Variants in SLC25A16 observed in about 807,000 individuals in gnomAD.
The protein encoded by SLC25A16 is solute carrier family 25 member 16.
A neutral mutation model predicts 41.5 loss-of-function variants in SLC25A16; 39 were observed. The ratio of observed to expected loss-of-function variants is 0.94; its 90% CI spans 0.73 to 1.23. SLC25A16 has a LOEUF of 1.23. Ranked by LOEUF, SLC25A16 falls within the 50% of genes most tolerant of loss-of-function variation. The pLI is 0.00. For missense variants in SLC25A16, 421 were observed against 426.9 expected, an observed-to-expected ratio of 0.99 and a Z score of 0.12; for synonymous variants, 146 against 147.8, an observed-to-expected ratio of 0.99 and a Z score of 0.09.
intron 2 of SLC25A16, among the ~76,000 whole-genome samples, chr10:68,509,157 G>C (rs1196496027): frequency 1.3e-5 from 2 of 151,770 alleles, no homozygotes; most frequent in Non-Finnish European, 2.9e-5. Context: ...ACCAACATGG[G>C]GAAACCCTGT....
intron 4 of SLC25A16, among the ~76,000 whole-genome samples, chr10:68,502,616 G>A (rs1564918560): frequency 6.7e-6 from 1 of 149,900 alleles, no homozygotes; most frequent in Non-Finnish European, 1.5e-5. Context: ...TATAGTTCCA[G>A]CTACTTTTGG....
chr10:68,516,790 C>A lies in SLC25A16; in HGVS notation c.184G>T (p.Val62Phe). ...TGGTGATTGTGAGCTTGTAATAAAA[C>A]CTTTACTCGATCCAATGGAGCAACT... ...TTVAPLDRVK[V>F]LLQAHNHHYK... The change falls in exon 2 of 9, where the codon GTT becomes TTT. Residue 62 changes from valine (V) to phenylalanine (F), a missense_variant. By Grantham distance (50) the Val-to-Phe change is conservative. Coordinates refer to ENST00000609923, the MANE Select transcript of SLC25A16 (RefSeq NM_152707.4). 1 of 1,613,036 alleles carries A rather than the reference C, an allele frequency of 6.2e-7. No individual in the cohort carries two copies. Among genetic ancestry groups the A allele is most frequent in the Non-Finnish European group, 8.5e-7 (1 of 1,179,418 alleles).
Position 68,527,363 on chromosome 10 carries a change from T to A in SLC25A16, c.13A>T (p.Thr5Ser). The A allele has an allele frequency of 6.7e-7, 1 of 1,502,150 alleles. No individual in the cohort carries two copies. Among genetic ancestry groups the A allele is most frequent in the East Asian group, 2.6e-5 (1 of 38,786 alleles). The allele number at this position is 1,502,150 out of a possible 1,614,324, so 93.1% of individuals were successfully genotyped here. A position where few individuals can be genotyped will look rare whatever the true frequency, so the allele number is the denominator to read the frequency against. The change falls in exon 1 of 9, where the codon ACG (threonine) becomes TCG (serine). Residue 5 changes from threonine (T) to serine (S), a missense_variant. Physicochemically the swap from Thr to Ser is moderately conservative, Grantham distance 58. Coordinates refer to ENST00000609923, the MANE Select transcript of SLC25A16 (RefSeq NM_152707.4). MAAA[T>S]AAAALAAADP... ...GCCGCCGCCAGGGCTGCCGCGGCCGTCGCCGCCGCCATCAGGACCAGGGTC... is the reference window on the plus strand; with the variant it reads ...GCCGCCGCCAGGGCTGCCGCGGCCGACGCCGCCGCCATCAGGACCAGGGTC...
In SLC25A16 at chr10:68,478,509, AAAAT is replaced by A. The variant is rs1269118460; in HGVS notation, c.*4919_*4922del. On this transcript the variant is annotated 3_prime_UTR_variant, in exon 9 of 9. Coordinates refer to ENST00000609923, the MANE Select transcript of SLC25A16 (RefSeq NM_152707.4). ...GTTTGGGAATAATCCTTGGGGAAAA[AAAAT>A]AAATAATTATACATAGGGTTTTTTA... is the stretch of plus-strand genomic sequence containing the variant. 2 of 152,082 alleles carry A rather than the reference AAAAT, an allele frequency of 1.3e-5. No individual in the cohort carries two copies. Among genetic ancestry groups the A allele is most frequent in the Non-Finnish European group, 2.9e-5 (2 of 68,018 alleles). 9.4% of individuals were successfully genotyped at this position (152,082 alleles called of 1,614,324 possible). A position where few individuals can be genotyped will look rare whatever the true frequency, so the allele number is the denominator to read the frequency against.
rs74143087 is a variant in SLC25A16, at chr10:68,492,273, C to T, written c.610+859G>A. Among the ~76,000 whole-genome samples, 508 of 152,182 alleles carry T rather than the reference C, an allele frequency of 3.3e-3. 4 individuals carry two copies. The highest frequency in any genetic ancestry group is 0.012 in the African/African-American group (489 of 41,544). Reference sequence around the variant, plus strand: ...GTTCATTGTTTCTGCTTTCTTCAACCCTTCCTCTATATAAAATCAACTCCT... The same window carrying T: ...GTTCATTGTTTCTGCTTTCTTCAACTCTTCCTCTATATAAAATCAACTCCT... On this transcript the variant is annotated intron_variant, in intron 6 of 8. Coordinates refer to ENST00000609923, the MANE Select transcript of SLC25A16 (RefSeq NM_152707.4).
At chr10:68,491,924 G>A (rs1327154189) in intron 6 of SLC25A16, among the ~76,000 whole-genome samples, 1 of 151,998 alleles carries the variant, frequency 6.6e-6, no homozygotes. Context: ...CGCCTCCCGG[G>A]TTCAAATGAT....
rs907094737 is a variant in SLC25A16 at position 68,478,850 on chromosome 10, T to G, written c.*4582A>C. The G allele has an allele frequency of 6.6e-6, 1 of 152,044 alleles. No individual in the cohort carries two copies. Among genetic ancestry groups the G allele is most frequent in the Non-Finnish European group, 1.5e-5 (1 of 68,020 alleles). 9.4% of individuals were successfully genotyped at this position (152,044 alleles called of 1,614,324 possible). On this transcript the variant is annotated 3_prime_UTR_variant, in exon 9 of 9. Transcript: ENST00000609923. ...TTGGCTCACTGCAACCTCCGCCTTC[T>G]GGGTTCAAGCAATTCTCCTACCTCA... is the stretch of plus-strand genomic sequence containing the variant.
intron 1 of SLC25A16, 161 bp from the exon 2 acceptor site, chr10:68,517,004 T>C (rs1017713913): frequency 2.2e-4 from 246 of 1,126,906 alleles, no homozygotes; most frequent in Non-Finnish European, 2.7e-4. Flanking sequence ...CCCCATTTCC[T>C]GTAACTTAAT....
Position 68,506,721 on chromosome 10 carries a change from A to AT in SLC25A16, c.224-4dup. 6.4e-7 allele frequency: 1 copy of AT among 1,556,514 alleles called. No homozygotes were observed. Among genetic ancestry groups the AT allele is most frequent in the Non-Finnish European group, 8.7e-7 (1 of 1,151,898 alleles). On this transcript the variant is annotated splice_polypyrimidine_tract_variant and splice_region_variant and intron_variant, in intron 2 of 8. Transcript: ENST00000609923. ...AGCACGCAATGCAGAAAATACTCCTATTTTTAGAGGAAAAATGCTGTTAAA... is the reference window on the plus strand; with the variant it reads ...AGCACGCAATGCAGAAAATACTCCTATTTTTTAGAGGAAAAATGCTGTTAAA...
Position 68,478,318 on chromosome 10 carries a change from T to C in SLC25A16, c.*5114A>G, listed in dbSNP as rs905177429. On this transcript the variant is annotated 3_prime_UTR_variant, in exon 9 of 9. Transcript: ENST00000609923. ...GAATGCCACATAATTCTTCAGGAAATATATGTAATTGTTATTATTTATCAC... is the reference window on the plus strand; with the variant it reads ...GAATGCCACATAATTCTTCAGGAAACATATGTAATTGTTATTATTTATCAC... 15 of 148,696 alleles carry C rather than the reference T, an allele frequency of 1.0e-4. No individual in the cohort carries two copies. Among genetic ancestry groups the C allele is most frequent in the African/African-American group, 3.1e-4 (12 of 38,360 alleles). 9.2% of individuals were successfully genotyped at this position (148,696 alleles called of 1,614,324 possible). A position where few individuals can be genotyped will look rare whatever the true frequency, so the allele number is the denominator to read the frequency against.
intron 2 of SLC25A16, among the ~76,000 whole-genome samples, chr10:68,515,573 C>T (rs11812676): frequency 2.6e-5 from 4 of 151,896 alleles, no homozygotes; most frequent in Admixed American, 6.6e-5. Context: ...CCGAGGCGGG[C>T]GGGTCACCTG....
At position 68,494,969 on chromosome 10, in the gene SLC25A16, T is replaced by C. The variant is rs533489629; in HGVS notation, c.422-1399A>G. ...ATAATGAATTGGTAGGAAACAAGAG[T>C]ACCCAGAAATTTGTAAAGGTAAAGG... On this transcript the variant is annotated intron_variant, in intron 4 of 8. Transcript: ENST00000609923. Among the ~76,000 whole-genome samples, 20 of 150,158 alleles carry C rather than the reference T, an allele frequency of 1.3e-4. No homozygotes were observed. In the South Asian group the frequency reaches 4.2e-3, roughly 32 times the overall value.
rs184931135 is a variant in SLC25A16, at chr10:68,492,994, A to G, written c.610+138T>C. On this transcript the variant is annotated intron_variant, in intron 6 of 8. Coordinates refer to ENST00000609923, the MANE Select transcript of SLC25A16 (RefSeq NM_152707.4). ...TCATCTTTATATCCAAGATATTATTATGTGACCATCCATAAATCATTTCTT... is the reference window on the plus strand; with the variant it reads ...TCATCTTTATATCCAAGATATTATTGTGTGACCATCCATAAATCATTTCTT... 6 of 633,564 alleles carry G rather than the reference A, an allele frequency of 9.5e-6. No homozygotes were observed. The Admixed American group carries it at 2.0e-4, about 21-fold the overall frequency. The allele number at this position is 633,564 out of a possible 1,614,324, so 39.2% of individuals were successfully genotyped here.
rs530563828 is a variant in SLC25A16 at position 68,509,819 on chromosome 10, G to A, written c.224-3101C>T. Among the ~76,000 whole-genome samples the A allele has an allele frequency of 1.6e-4, 24 of 151,572 alleles. No individual in the cohort carries two copies. In the South Asian group the frequency reaches 2.9e-3, roughly 18 times the overall value. ...TTTTTTAAAAAGACAAAGGCCAGGC[G>A]CGGTGACTCATGCTTCTAATCCCAG... On this transcript the variant is annotated intron_variant, in intron 2 of 8. Coordinates refer to ENST00000609923, the MANE Select transcript of SLC25A16 (RefSeq NM_152707.4).
intron 6 of SLC25A16, among the ~76,000 whole-genome samples, chr10:68,489,778 G>A (rs1444453024): frequency 6.6e-6 from 1 of 151,734 alleles, no homozygotes; most frequent in Non-Finnish European, 1.5e-5. Context: ...GTGCGCGCCT[G>A]TAGTCTCAGC....
chr10:68,486,729 G>A (rs977496815), intron 8 of SLC25A16, among the ~76,000 whole-genome samples: 2 of 151,596 alleles, frequency 1.3e-5, no homozygotes, highest in African/African-American at 2.4e-5. Flanking sequence ...AGGCAGGCAG[G>A]CAGATCACTT....
At chr10:68,499,656 A>G (rs979561398) in intron 4 of SLC25A16, 3 of 361,268 alleles carry the variant, frequency 8.3e-6, no homozygotes, top group African/African-American at 2.1e-5. Flanking sequence ...AGACAGAAAT[A>G]CAATGTGTGA....
intron 1 of SLC25A16, chr10:68,517,143 T>G: frequency 1.9e-6 from 2 of 1,048,486 alleles, no homozygotes; most frequent in African/African-American, 3.4e-5. Flanking sequence ...TTCAAGGTAT[T>G]AATCCAACTG....
At chr10:68,502,986 G>C (rs910532710) in intron 4 of SLC25A16, among the ~76,000 whole-genome samples, 4 of 147,722 alleles carry the variant, frequency 2.7e-5, no homozygotes, top group South Asian at 2.2e-4. Context: ...AGAGGAGAGG[G>C]AAGAGGAGAG....
Sources: gnomAD v4.1 joint callset for allele counts (sites outside exome capture counted in the v4.1 genomes callset) on GRCh38, gnomAD v4.1.1 for gene constraint, MANE v1.5 for transcripts, NCBI Gene and HGNC (gene_info 2026-07-23, HGNC 2026-07-21) for gene names.